The following SORCS1 variants were observed in gnomAD, a reference collection of about 807,000 sequenced individuals.
SORCS1 encodes the protein sortilin related VPS10 domain containing receptor 1, also known as VPS10 domain-containing receptor SorCS1.
A neutral mutation model predicts 146.1 loss-of-function variants in SORCS1; 60 were observed. The observed-to-expected ratio is 0.41, with a 90% CI of 0.33 to 0.51. The LOEUF (loss-of-function observed/expected upper bound fraction) is 0.51, where lower values mean the gene tolerates loss of function less well. Among genes scored for constraint, SORCS1 ranks in the 20% least tolerant of loss-of-function variants. SORCS1 has a pLI of 0.21. For missense variants in SORCS1, 1,352 were observed against 1,487.6 expected (o/e 0.91, Z 1.50); for synonymous variants, 637 against 584.0 (o/e 1.09, Z -1.31).
intron 1 of SORCS1, among the ~76,000 whole-genome samples, chr10:107,038,459 G>T (rs1433599051): frequency 6.6e-6 from 1 of 151,870 alleles, no homozygotes. Flanking sequence ...GTTAATGGGT[G>T]CAGCACACCA....
At chr10:106,940,242 T>C (rs547991502) in intron 2 of SORCS1, among the ~76,000 whole-genome samples, 29 of 152,328 alleles carry the variant, frequency 1.9e-4, no homozygotes, top group African/African-American at 7.0e-4. Context: ...AACCATTGAT[T>C]ACTTGTGATA....
chr10:106,599,359 C>G (rs1031064530), intron 23 of SORCS1, among the ~76,000 whole-genome samples: 1 of 137,040 alleles, frequency 7.3e-6, no homozygotes, highest in Non-Finnish European at 1.6e-5. Flanking sequence ...CAGAGTAAAA[C>G]TCTAATTCAA....
At chr10:106,638,869 A>G (rs1156373992) in intron 18 of SORCS1, among the ~76,000 whole-genome samples, 1 of 152,192 alleles carries the variant, frequency 6.6e-6, no homozygotes, top group Non-Finnish European at 1.5e-5. Flanking sequence ...CAATTTCTCT[A>G]CCTGTAAATT....
At chr10:106,829,472 C>A in intron 3 of SORCS1, 102 bp downstream of exon 3, 1 of 733,280 alleles carries the variant, frequency 1.4e-6, no homozygotes, top group Admixed American at 2.0e-5. Context: ...CATTTCTAAT[C>A]CCAGATTAAC....
intron 2 of SORCS1, among the ~76,000 whole-genome samples, chr10:106,920,483 A>G (rs1952659574): frequency 2.0e-5 from 3 of 152,110 alleles, no homozygotes; most frequent in Admixed American, 2.0e-4. Context: ...GTATACAACT[A>G]TATTAAATCC....
intron 1 of SORCS1, among the ~76,000 whole-genome samples, chr10:107,065,460 C>CTTTCTTTCTTTCTTT (rs1187986728): frequency 1.2e-5 from 1 of 83,560 alleles, no homozygotes; most frequent in Non-Finnish European, 2.5e-5. Flanking sequence ...TTCTCTCTTT[C>CTTTCTTTCTTTCTTT]TCTCTCCCTC....
At chr10:107,001,155 G>C (rs1385446777) in intron 1 of SORCS1, among the ~76,000 whole-genome samples, 2 of 152,136 alleles carry the variant, frequency 1.3e-5, no homozygotes, top group Non-Finnish European at 2.9e-5. Flanking sequence ...GGCAGGAAGG[G>C]GCAGAGTGTA....
intron 23 of SORCS1, among the ~76,000 whole-genome samples, chr10:106,603,491 G>A (rs951235648): frequency 3.3e-5 from 5 of 152,110 alleles, no homozygotes; most frequent in East Asian, 1.9e-4. Context: ...AGCCAGCATC[G>A]CTGCTCCCCA....
intron 2 of SORCS1, among the ~76,000 whole-genome samples, chr10:106,953,303 G>A (rs576792554): frequency 1.3e-5 from 2 of 152,076 alleles, no homozygotes; most frequent in Non-Finnish European, 2.9e-5. Flanking sequence ...AGTTGCATAT[G>A]ACTTACTGAC....
chr10:106,687,127 C>G (rs1224396840), intron 10 of SORCS1, among the ~76,000 whole-genome samples: 2 of 152,142 alleles, frequency 1.3e-5, no homozygotes, highest in Non-Finnish European at 2.9e-5. Context: ...TCTTCCTCGC[C>G]TCCTTCTGCA....
At chr10:106,955,478 G>A (rs1049462095) in intron 2 of SORCS1, among the ~76,000 whole-genome samples, 1 of 152,238 alleles carries the variant, frequency 6.6e-6, no homozygotes, top group South Asian at 2.1e-4. Context: ...AGCAAGCCCT[G>A]TGGGCACAAG....
intron 1 of SORCS1, among the ~76,000 whole-genome samples, chr10:107,124,600 G>A (rs1471233741): frequency 6.6e-6 from 1 of 152,040 alleles, no homozygotes; most frequent in Non-Finnish European, 1.5e-5. Flanking sequence ...CTGGGAACTG[G>A]TGGTCGACGT....
intron 6 of SORCS1, among the ~76,000 whole-genome samples, chr10:106,715,124 T>A (rs371577727): frequency 1.6e-4 from 24 of 152,172 alleles, no homozygotes; most frequent in African/African-American, 5.6e-4. Context: ...CAAGCACTCA[T>A]CCCCCTTGGG....
intron 5 of SORCS1, among the ~76,000 whole-genome samples, chr10:106,759,842 C>T (rs1858940211): frequency 6.6e-6 from 1 of 152,076 alleles, no homozygotes; most frequent in African/African-American, 2.4e-5. Flanking sequence ...ATAAGATTTA[C>T]CTCCAATCTA....
At chr10:106,922,198 T>C (rs1356630924) in intron 2 of SORCS1, among the ~76,000 whole-genome samples, 1 of 152,164 alleles carries the variant, frequency 6.6e-6, no homozygotes, top group Non-Finnish European at 1.5e-5. Context: ...AAGGACAAAG[T>C]TATGAATTTC....
chr10:106,690,063 T>C (rs1206860302), intron 9 of SORCS1, among the ~76,000 whole-genome samples: 4 of 152,198 alleles, frequency 2.6e-5, no homozygotes, highest in Non-Finnish European at 5.9e-5. Flanking sequence ...TTCTTGTGCA[T>C]TGTCTAAACT....
At chr10:106,724,008 C>G (rs761299220) in intron 6 of SORCS1, among the ~76,000 whole-genome samples, 4 of 151,978 alleles carry the variant, frequency 2.6e-5, no homozygotes, top group Non-Finnish European at 4.4e-5. Context: ...TATTATATAT[C>G]AAGATCTACT....
intron 24 of SORCS1, among the ~76,000 whole-genome samples, chr10:106,580,217 T>A (rs905786382): frequency 3.5e-4 from 54 of 152,232 alleles, no homozygotes; most frequent in African/African-American, 1.3e-3. Flanking sequence ...GCGGAGATGC[T>A]GAAGGAGGGA....
At chr10:106,738,115 G>GA (rs1268422686) in intron 5 of SORCS1, among the ~76,000 whole-genome samples, 7 of 152,106 alleles carry the variant, frequency 4.6e-5, no homozygotes, top group Non-Finnish European at 8.8e-5. Context: ...AAATGGGGAA[G>GA]AAAAAACTGG....
Sources: gnomAD v4.1 joint callset for allele counts (sites outside exome capture counted in the v4.1 genomes callset) on GRCh38, gnomAD v4.1.1 for gene constraint, MANE v1.5 for transcripts, NCBI Gene and HGNC (gene_info 2026-07-23, HGNC 2026-07-21) for gene names.